The following TPD52L2 variants were observed in gnomAD, a reference collection of about 807,000 sequenced individuals.
TPD52L2 encodes the protein TPD52 like 2.
A neutral mutation model predicts 24.7 loss-of-function variants in TPD52L2; 19 were observed. The ratio of observed to expected loss-of-function variants is 0.77; its 90% CI spans 0.54 to 1.13. The LOEUF (loss-of-function observed/expected upper bound fraction) is 1.13. TPD52L2 is among the 50% of genes most tolerant of loss of function. The pLI is 0.00. For synonymous variants in TPD52L2, 104 were observed against 100.2 expected, an observed-to-expected ratio of 1.04 and a Z score of -0.23; for missense variants, 236 against 250.4, an observed-to-expected ratio of 0.94 and a Z score of 0.39.
chr20:63,883,120 C>T lies in TPD52L2; in HGVS notation c.476+300C>T, dbSNP rs550853675. ...GAGGAGTCTGCACCTTGAAGCTTCA[C>T]TGAGTGGCAGCGACTCCAGCCCAGG... On this transcript the variant is annotated intron_variant, in intron 5 of 6. Transcript: ENST00000346249. 2.6e-5 allele frequency among the ~76,000 whole-genome samples: 4 copies of T among 152,282 alleles called. No homozygotes were observed. In the East Asian group the frequency reaches 5.8e-4, roughly 22 times the overall value.
intron 6 of TPD52L2, among the ~76,000 whole-genome samples, chr20:63,889,521 T>C (rs1007332254): frequency 8.1e-5 from 12 of 148,232 alleles, no homozygotes; most frequent in Non-Finnish European, 1.5e-4. Context: ...CTGCCCTTCC[T>C]GGTACCTTCT....
chr20:63,886,017 G>A (rs769177494), intron 5 of TPD52L2: 27 of 1,614,156 alleles, frequency 1.7e-5, no homozygotes, highest in Admixed American at 3.3e-5. Context: ...ACCTTCCAGG[G>A]CTCATCCATT....
rs747779914 is a variant in TPD52L2 at position 63,873,842 on chromosome 20, CT to C, written c.314+27del. On this transcript the variant is annotated intron_variant, in intron 3 of 6. Coordinates refer to ENST00000346249, the MANE Select transcript of TPD52L2 (RefSeq NM_003288.4). ...GTAGGTACCTGCCCCAGGCGCACCCCTGGGGGCTGAAGAGAACGGGCACCAC... is the reference window on the plus strand; with the variant it reads ...GTAGGTACCTGCCCCAGGCGCACCCCGGGGGCTGAAGAGAACGGGCACCAC... 2.0e-6 allele frequency: 3 copies of C among 1,477,064 alleles called. No homozygotes were observed. The African/African-American group carries it at 4.3e-5, about 21-fold the overall frequency. The allele number at this position is 1,477,064 out of a possible 1,614,324, so 91.5% of individuals were successfully genotyped here. A position where few individuals can be genotyped will look rare whatever the true frequency, so the allele number is the denominator to read the frequency against.
At chr20:63,885,952 G>T in intron 5 of TPD52L2, 1 of 1,576,732 alleles carries the variant, frequency 6.3e-7, no homozygotes. Flanking sequence ...GGAGGGCTGT[G>T]AGTGGGTGCT....
Position 63,868,058 on chromosome 20 carries a change from G to A in TPD52L2, c.20-1238G>A, listed in dbSNP as rs1377895076. Among the ~76,000 whole-genome samples the A allele has an allele frequency of 7.9e-5, 12 of 151,488 alleles. No homozygotes were observed. In the East Asian group the frequency reaches 2.1e-3, roughly 27 times the overall value. ...CCTCCCAAGTAGCTGGGAACTACAG[G>A]CGCGTGCCACCACGCTAACTAATTT... On this transcript the variant is annotated intron_variant, in intron 1 of 6. Transcript: ENST00000346249.
At chr20:63,884,061 C>G (rs1334078865) in intron 5 of TPD52L2, among the ~76,000 whole-genome samples, 2 of 152,166 alleles carry the variant, frequency 1.3e-5, no homozygotes, top group African/African-American at 4.8e-5. Context: ...GGTAATCTAC[C>G]TTCCCATCCC....
At chr20:63,869,238 C>A (rs910951819) in intron 1 of TPD52L2, 58 bp from the exon 2 acceptor site, 2 of 1,602,354 alleles carry the variant, frequency 1.2e-6, no homozygotes, top group Admixed American at 1.7e-5. Context: ...AGACCTCTAC[C>A]GTATTTACTT....
At chr20:63,870,721 TG>T in intron 2 of TPD52L2, among the ~76,000 whole-genome samples, 1 of 150,428 alleles carries the variant, frequency 6.6e-6, no homozygotes, top group East Asian at 2.0e-4. Context: ...AGATGGGGTT[TG>T]TTTTTTTTTT....
At chr20:63,885,485 G>A (rs567467815) in intron 5 of TPD52L2, among the ~76,000 whole-genome samples, 56 of 152,358 alleles carry the variant, frequency 3.7e-4, no homozygotes, top group Admixed American at 5.2e-4. Flanking sequence ...CTGTGGGCAC[G>A]GATGGAGCGC....
chr20:63,887,218 T>C, intron 5 of TPD52L2: 2 of 407,368 alleles, frequency 4.9e-6, no homozygotes, highest in Non-Finnish European at 9.1e-6. Context: ...TTACTTGACT[T>C]GGTGGTTTCT....
chr20:63,877,028 GTTT>G lies in TPD52L2; in HGVS notation c.374+1154_374+1156del. 2 of 443,460 alleles carry G rather than the reference GTTT, an allele frequency of 4.5e-6. No individual in the cohort carries two copies. The highest frequency in any genetic ancestry group is 8.9e-6 in the Non-Finnish European group (2 of 223,912). 27.5% of individuals were successfully genotyped at this position (443,460 alleles called of 1,614,324 possible). ...ATGTTGCCCTGGGTTTTTTTTGTTT[GTTT>G]GGTTTTTTTTTTGAGACAACGTCTC... is the stretch of plus-strand genomic sequence containing the variant. On this transcript the variant is annotated intron_variant, in intron 4 of 6. Transcript: ENST00000346249. This position sits in a 1 kb window ranked among gnomAD's most constrained non-coding sequence, Gnocchi z 4.1.
chr20:63,890,903 C>T lies in TPD52L2; in HGVS notation c.*958C>T, dbSNP rs2053298797. 6.6e-6 allele frequency: 1 copy of T among 152,462 alleles called. No individual in the cohort carries two copies. Among genetic ancestry groups the T allele is most frequent in the South Asian group, 2.1e-4 (1 of 4,836 alleles). The allele number at this position is 152,462 out of a possible 1,614,324, so 9.4% of individuals were successfully genotyped here. A position where few individuals can be genotyped will look rare whatever the true frequency, so the allele number is the denominator to read the frequency against. ...GAAGGAAAACCCTGTCTTTAGCACC[C>T]TTTAAAAGAACTGTGCCCCCCTTCT... On this transcript the variant is annotated 3_prime_UTR_variant, in exon 7 of 7. Coordinates refer to ENST00000346249, the MANE Select transcript of TPD52L2 (RefSeq NM_003288.4).
At chr20:63,878,475 C>T (rs571418415) in intron 4 of TPD52L2, among the ~76,000 whole-genome samples, 3 of 152,304 alleles carry the variant, frequency 2.0e-5, no homozygotes, top group East Asian at 3.9e-4. Context: ...ACAGAAAGCA[C>T]GACTCAAGGT....
chr20:63,873,882 T>C (rs2052560832), intron 3 of TPD52L2, 66 bp downstream of exon 3: 6 of 1,409,450 alleles, frequency 4.3e-6, no homozygotes, highest in Non-Finnish European at 5.6e-6. Context: ...TGCCCCGGCA[T>C]GTGGGGGGGC....
chr20:63,889,723 C>T, intron 6 of TPD52L2, 127 bp from the exon 7 acceptor site: 10 of 888,690 alleles, frequency 1.1e-5, no homozygotes, highest in Non-Finnish European at 1.7e-5. Flanking sequence ...TGATTTGCTC[C>T]CTGTCCCTGC....
Position 63,882,930 on chromosome 20 carries a change from T to A in TPD52L2, c.476+110T>A, listed in dbSNP as rs1433067684. Reference sequence around the variant, plus strand: ...GAGATCAGGGCTCAGATGCACTGGCTCAGGGATGTGGCCATCCATCATGGC... The same window carrying A: ...GAGATCAGGGCTCAGATGCACTGGCACAGGGATGTGGCCATCCATCATGGC... On this transcript the variant is annotated intron_variant, in intron 5 of 6. Coordinates refer to ENST00000346249, the MANE Select transcript of TPD52L2 (RefSeq NM_003288.4). 6.3e-6 allele frequency: 5 copies of A among 799,208 alleles called. No individual in the cohort carries two copies. The South Asian group carries it at 8.8e-5, about 14-fold the overall frequency. The allele number at this position is 799,208 out of a possible 1,614,324, so 49.5% of individuals were successfully genotyped here. A position where few individuals can be genotyped will look rare whatever the true frequency, so the allele number is the denominator to read the frequency against.
chr20:63,888,957 G>T, intron 5 of TPD52L2: 2 of 589,578 alleles, frequency 3.4e-6, no homozygotes, highest in South Asian at 2.0e-5. Flanking sequence ...GGGGTTTCCA[G>T]TTGCCTTGTG....
At chr20:63,887,851 G>A in intron 5 of TPD52L2, 2 of 568,044 alleles carry the variant, frequency 3.5e-6, no homozygotes, top group Non-Finnish European at 3.1e-6. Flanking sequence ...ACTGGGCCGT[G>A]TCCTTTCCAA....
intron 5 of TPD52L2, chr20:63,887,337 C>T (rs142435690): frequency 0.012 from 7,669 of 652,738 alleles, 67 homozygotes; most frequent in Non-Finnish European, 0.015. Flanking sequence ...GCTCTCCCCC[C>T]TCCCAGTGCT....
Sources: gnomAD v4.1 joint callset for allele counts (sites outside exome capture counted in the v4.1 genomes callset) on GRCh38, gnomAD v4.1.1 for gene constraint, Gnocchi (gnomAD v3.1) non-coding constraint, MANE v1.5 for transcripts, NCBI Gene and HGNC (gene_info 2026-07-23, HGNC 2026-07-21) for gene names.